PCDHGA2: variants seen among roughly 807,000 people sequenced by gnomAD.
PCDHGA2 encodes protocadherin gamma-A2.
In PCDHGA2, 40 loss-of-function variants were observed where a neutral mutation model predicts 59.2. That is an observed-to-expected ratio of 0.68 (90% confidence interval 0.52 to 0.88). The LOEUF is 0.88. Ranked by LOEUF, PCDHGA2 falls within the 40% of genes least tolerant of loss-of-function variation. The pLI is 0.00. For missense variants in PCDHGA2, 1,226 were observed against 1,204.0 expected, an observed-to-expected ratio of 1.02 and a Z score of -0.27; for synonymous variants, 560 against 526.0, an observed-to-expected ratio of 1.06 and a Z score of -0.89.
chr5:141,479,941 T>C (rs983830280), intron 1 of PCDHGA2, among the ~76,000 whole-genome samples: 2 of 152,194 alleles, frequency 1.3e-5, no homozygotes, highest in Admixed American at 6.5e-5. Context: ...TGCTATCAAC[T>C]CTTGGATTTG....
At position 141,374,269 on chromosome 5, in the gene PCDHGA2, C is replaced by T. The variant is rs372510702; in HGVS notation, c.2424+32874C>T. The stretch of plus-strand genomic sequence containing the variant: ...TGGAGCCCCAGGAGTTGGCGGAGCA[C>T]GGAGTCCGCATCGTCTCCAGAGGTA... On this transcript the variant is annotated intron_variant, in intron 1 of 3. Transcript: ENST00000394576. 9.5e-5 allele frequency: 154 copies of T among 1,614,002 alleles called. No homozygotes were observed. In the African/African-American group the frequency reaches 1.8e-3, roughly 19 times the overall value.
At chr5:141,416,553 ACT>A (rs932477065) in intron 1 of PCDHGA2, 2 of 152,100 alleles carry the variant, frequency 1.3e-5, no homozygotes, top group Non-Finnish European at 2.9e-5. Context: ...AACACCTGAA[ACT>A]CTGAAAACTC....
rs746159671 is a variant in PCDHGA2, at chr5:141,399,684, G to A, written c.2424+58289G>A. The A allele has an allele frequency of 2.4e-5, 38 of 1,613,538 alleles. 1 individual carries two copies. In the South Asian group the frequency reaches 4.2e-4, roughly 18 times the overall value. On this transcript the variant is annotated intron_variant, in intron 1 of 3. Transcript: ENST00000394576. ...TCGCGCAGCGCGCCTTTGACTACGAGCAGCTGCGCACCTTCGAACTCACAC... is the reference window on the plus strand; with the variant it reads ...TCGCGCAGCGCGCCTTTGACTACGAACAGCTGCGCACCTTCGAACTCACAC...
At position 141,340,059 on chromosome 5, in the gene PCDHGA2, G is replaced by T; in HGVS notation, c.1088G>T (p.Gly363Val). 1.9e-6 allele frequency: 3 copies of T among 1,614,130 alleles called. No homozygotes were observed. Among genetic ancestry groups the T allele is most frequent in the Non-Finnish European group, 2.5e-6 (3 of 1,180,022 alleles). ...TCAGTTTCTGAAGACTCTCTTCCAG[G>T]AACCATAATTGGGCTTTTTAATGTA... ...TSSVSEDSLP[G>V]TIIGLFNVHD... Residue 363 changes from glycine to valine, a missense_variant, in exon 1 of 4, where the codon GGA (glycine) becomes GTA (valine). Physicochemically the swap from Gly to Val is moderately radical, Grantham distance 109. Coordinates refer to ENST00000394576, the MANE Select transcript of PCDHGA2 (RefSeq NM_018915.4).
At chr5:141,355,713 G>A (rs756628846) in intron 1 of PCDHGA2, 4 of 1,614,022 alleles carry the variant, frequency 2.5e-6, no homozygotes, top group South Asian at 1.1e-5. Context: ...AGGGTTACCA[G>A]CTCAACTCAA....
Position 141,476,698 on chromosome 5 carries a change from G to T in PCDHGA2, c.2425-18109G>T. The T allele has an allele frequency of 4.3e-6, 7 of 1,614,056 alleles. No homozygotes were observed. Among genetic ancestry groups the T allele is most frequent in the Non-Finnish European group, 5.9e-6 (7 of 1,179,986 alleles). ...CGCGGGAGGACAGCACCAAGTACGC[G>T]GAGCTGGTGTTGGAGCGCGCCCTGG... On this transcript the variant is annotated intron_variant, in intron 1 of 3. Coordinates refer to ENST00000394576, the MANE Select transcript of PCDHGA2 (RefSeq NM_018915.4). The surrounding 1 kb of genome is among the most constrained non-coding windows in gnomAD (Gnocchi z 7.6).
chr5:141,410,508 G>T (rs752298772), intron 1 of PCDHGA2: 1 of 1,613,968 alleles, frequency 6.2e-7, no homozygotes, highest in South Asian at 1.1e-5. Context: ...TTCCTAAAAT[G>T]CAGTGTGCCC....
intron 2 of PCDHGA2, among the ~76,000 whole-genome samples, chr5:141,497,643 G>A (rs773129390): frequency 6.6e-6 from 1 of 151,192 alleles, no homozygotes; most frequent in African/African-American, 2.4e-5. Context: ...AGGTTCAAGC[G>A]ATTCTCCTGC....
chr5:141,415,533 G>C lies in PCDHGA2; in HGVS notation c.2424+74138G>C, dbSNP rs749139053. On this transcript the variant is annotated intron_variant, in intron 1 of 3. Coordinates refer to ENST00000394576, the MANE Select transcript of PCDHGA2 (RefSeq NM_018915.4). ...ATTATGCGGACACGCTCATCAGCCA[G>C]GAGAGCTGTGAGAAAAACGATCCTT... is the stretch of plus-strand genomic sequence containing the variant. 1.4e-5 allele frequency: 22 copies of C among 1,614,080 alleles called. No individual in the cohort carries two copies. Among genetic ancestry groups the C allele is most frequent in the Non-Finnish European group, 1.9e-5 (22 of 1,180,042 alleles).
At chr5:141,478,412 TC>T in intron 1 of PCDHGA2, 2 of 1,611,958 alleles carry the variant, frequency 1.2e-6, no homozygotes, top group Non-Finnish European at 1.7e-6. Flanking sequence ...CACCACGGAC[TC>T]CCGCCGCAGC....
Position 141,408,360 on chromosome 5 carries a change from A to G in PCDHGA2, c.2424+66965A>G, listed in dbSNP as rs373951875. 2.4e-5 allele frequency: 38 copies of G among 1,613,808 alleles called. No homozygotes were observed. In the African/African-American group the frequency reaches 3.7e-4, roughly 16 times the overall value. ...TCGGTGGTGGGGAACCTCGCTAAGG[A>G]TCTAGGGCTCAGTGTCCTGGATGTG... On this transcript the variant is annotated intron_variant, in intron 1 of 3. Coordinates refer to ENST00000394576, the MANE Select transcript of PCDHGA2 (RefSeq NM_018915.4).
At chr5:141,392,809 C>T in intron 1 of PCDHGA2, 1 of 1,578,772 alleles carries the variant, frequency 6.3e-7, no homozygotes, top group African/African-American at 1.4e-5. Flanking sequence ...TGCAGCAAAA[C>T]AACAATGGCC....
intron 1 of PCDHGA2, chr5:141,422,634 T>C: frequency 1.9e-6 from 3 of 1,612,682 alleles, no homozygotes; most frequent in Non-Finnish European, 2.5e-6. Flanking sequence ...ACCCCAGGGG[T>C]GCCTCCATCT....
Position 141,391,341 on chromosome 5 carries a change from CTCTG to C in PCDHGA2, c.2424+49952_2424+49955del, listed in dbSNP as rs1256271403. Reference sequence around the variant, plus strand: ...TCTTTTTTTTTTTTTGAGACAGAGTCTCTGTCTGTTACTCAGGCTGTAGTGCAGT... The same window carrying C: ...TCTTTTTTTTTTTTTGAGACAGAGTCTCTGTTACTCAGGCTGTAGTGCAGT... On this transcript the variant is annotated intron_variant, in intron 1 of 3. Transcript: ENST00000394576. 2.1e-5 allele frequency: 3 copies of C among 145,162 alleles called. No individual in the cohort carries two copies. In the South Asian group the frequency reaches 6.5e-4, roughly 32 times the overall value. The allele number at this position is 145,162 out of a possible 1,614,324, so 9.0% of individuals were successfully genotyped here.
intron 2 of PCDHGA2, among the ~76,000 whole-genome samples, chr5:141,495,223 G>T (rs924599140): frequency 6.6e-6 from 1 of 152,208 alleles, no homozygotes; most frequent in South Asian, 2.1e-4. Flanking sequence ...CCTGAGTTGA[G>T]CTGGGCTCCA....
chr5:141,409,751 C>G lies in PCDHGA2; in HGVS notation c.2424+68356C>G, dbSNP rs774810318. The G allele has an allele frequency of 1.5e-5, 25 of 1,613,000 alleles. No homozygotes were observed. In the Admixed American group the frequency reaches 4.0e-4, roughly 26 times the overall value. The stretch of plus-strand genomic sequence containing the variant: ...CGCGCAGAGCGGGGTGGTGTTCGCG[C>G]AGCGCGCCTTTGATCACGAGCAGCT... On this transcript the variant is annotated intron_variant, in intron 1 of 3. Coordinates refer to ENST00000394576, the MANE Select transcript of PCDHGA2 (RefSeq NM_018915.4).
rs1167955962 is a variant in PCDHGA2, at chr5:141,477,078, A to G, written c.2425-17729A>G. ...GAGGACACCAAACTCCATGAGATTT[A>G]CATCCAGGCCAAAGACAAGGGCGCC... On this transcript the variant is annotated intron_variant, in intron 1 of 3. Transcript: ENST00000394576. This position sits in a 1 kb window ranked among gnomAD's most constrained non-coding sequence, Gnocchi z 4.9. The G allele has an allele frequency of 6.8e-6, 11 of 1,614,262 alleles. No individual in the cohort carries two copies. In the South Asian group the frequency reaches 1.2e-4, roughly 18 times the overall value.
intron 1 of PCDHGA2, chr5:141,384,141 ACT>A (rs765902130): frequency 2.4e-5 from 38 of 1,612,656 alleles, no homozygotes; most frequent in Admixed American, 1.8e-4. Context: ...ACCGGGAAAC[ACT>A]CTCTTTGTAT....
intron 1 of PCDHGA2, chr5:141,394,727 C>T (rs971156422): frequency 1.2e-6 from 2 of 1,613,318 alleles, no homozygotes; most frequent in African/African-American, 1.3e-5. Context: ...GAGATGCGCT[C>T]AAGCAGAGCC....
Sources: gnomAD v4.1 joint callset for allele counts (sites outside exome capture counted in the v4.1 genomes callset) on GRCh38, gnomAD v4.1.1 for gene constraint, Gnocchi (gnomAD v3.1) non-coding constraint, MANE v1.5 for transcripts, NCBI Gene and HGNC (gene_info 2026-07-23, HGNC 2026-07-21) for gene names.